SUFU: variants seen among roughly 807,000 people sequenced by gnomAD.
The protein encoded by SUFU is suppressor of fused homolog.
In SUFU, 7 loss-of-function variants were observed where a neutral mutation model predicts 58.9. The ratio of observed to expected loss-of-function variants is 0.12; its 90% CI spans 0.07 to 0.22. The LOEUF (loss-of-function observed/expected upper bound fraction) is 0.22, where lower values mean the gene tolerates loss of function less well. Ranked by LOEUF, SUFU falls within the 10% of genes least tolerant of loss-of-function variation. The pLI is 1.00. For missense variants in SUFU, 451 were observed against 641.3 expected (o/e 0.70, Z 3.20); for synonymous variants, 232 against 254.8 (o/e 0.91, Z 0.85).
chr10:102,571,760 G>A (rs918432014), intron 3 of SUFU, among the ~76,000 whole-genome samples: 8 of 152,232 alleles, frequency 5.3e-5, no homozygotes, highest in African/African-American at 1.9e-4. Context: ...TTTGGACACA[G>A]CTTATCTCTA....
chr10:102,525,066 A>G (rs1307895301), intron 2 of SUFU, among the ~76,000 whole-genome samples: 1 of 152,110 alleles, frequency 6.6e-6, no homozygotes, highest in Non-Finnish European at 1.5e-5. Context: ...GAGGTATGTG[A>G]TTTTGGAAAA....
intron 3 of SUFU, among the ~76,000 whole-genome samples, chr10:102,555,269 C>CAAAAA (rs57658645): frequency 1.3e-5 from 1 of 78,092 alleles, no homozygotes; most frequent in African/African-American, 5.0e-5. Context: ...CTCCGTCTCA[C>CAAAAA]AAAAAAAAAA....
chr10:102,598,097 G>C (rs1275690779), intron 7 of SUFU, among the ~76,000 whole-genome samples: 2 of 151,958 alleles, frequency 1.3e-5, no homozygotes, highest in Non-Finnish European at 2.9e-5. Context: ...ACTTATAAAA[G>C]GTTTTTGTTC....
rs570639236 is a variant in SUFU at position 102,619,365 on chromosome 10, C to T, written c.1296+1937C>T. 5.7e-6 allele frequency: 8 copies of T among 1,414,750 alleles called. No individual in the cohort carries two copies. Among genetic ancestry groups the T allele is most frequent in the South Asian group, 1.5e-5 (1 of 65,814 alleles). 87.6% of individuals were successfully genotyped at this position (1,414,750 alleles called of 1,614,324 possible). ...CCCGCTGGCTCCCCAGCACATGGTCCCCTCCCATGGGCTGTTGCCCAGGGA... is the reference window on the plus strand; with the variant it reads ...CCCGCTGGCTCCCCAGCACATGGTCTCCTCCCATGGGCTGTTGCCCAGGGA... On this transcript the variant is annotated intron_variant, in intron 10 of 11. Transcript: ENST00000369902. The surrounding 1 kb of genome is among the most constrained non-coding windows in gnomAD (Gnocchi z 4.2).
At chr10:102,607,436 G>C (rs2063572912) in intron 8 of SUFU, among the ~76,000 whole-genome samples, 1 of 152,148 alleles carries the variant, frequency 6.6e-6, no homozygotes, top group Admixed American at 6.5e-5. Context: ...AATTATGACA[G>C]AAAGGAAAAG....
intron 2 of SUFU, among the ~76,000 whole-genome samples, chr10:102,511,598 T>G (rs369741884): frequency 2.6e-5 from 4 of 152,378 alleles, no homozygotes; most frequent in South Asian, 2.1e-4. Flanking sequence ...TTATTCCTAT[T>G]TTATAGATAA....
In SUFU at chr10:102,550,171, T is replaced by A. The variant is rs530096054; in HGVS notation, c.454+65T>A. ...CATGAGCCTGGTTGACTTTGAGTAC[T>A]AGCAGCTATATTTTGATGTTTGTGG... On this transcript the variant is annotated intron_variant, in intron 3 of 11. Transcript: ENST00000369902. The A allele has an allele frequency of 7.1e-4, 1,148 of 1,607,966 alleles. 15 individuals are homozygous for A. The highest frequency in any genetic ancestry group is 3.2e-3 in the South Asian group (288 of 90,728).
chr10:102,581,653 G>A (rs116893855), intron 3 of SUFU, among the ~76,000 whole-genome samples: 1 of 152,256 alleles, frequency 6.6e-6, no homozygotes, highest in East Asian at 1.9e-4. Context: ...CACAGGTGTC[G>A]GCTTCATCCT....
intron 8 of SUFU, among the ~76,000 whole-genome samples, chr10:102,612,121 CT>C (rs2063630878): frequency 6.6e-6 from 1 of 152,122 alleles, no homozygotes; most frequent in South Asian, 2.1e-4. Context: ...ATAATTCATG[CT>C]TCTGCATCGA....
Position 102,628,751 on chromosome 10 carries a change from C to A in SUFU, c.1366-1315C>A, listed in dbSNP as rs1311237280. On this transcript the variant is annotated intron_variant, in intron 11 of 11. Transcript: ENST00000369902. The surrounding 1 kb of genome is among the most constrained non-coding windows in gnomAD (Gnocchi z 4.5). ...CCAGCAGAGGGAGCGAAGAGGGAGG[C>A]AGCCAGGAAGGGTCAGGCTCGTCTG... 6.6e-6 allele frequency among the ~76,000 whole-genome samples: 1 copy of A among 152,208 alleles called. No individual in the cohort carries two copies.
chr10:102,581,915 C>T lies in SUFU; in HGVS notation c.455-10667C>T, dbSNP rs144417515. On this transcript the variant is annotated intron_variant, in intron 3 of 11. Transcript: ENST00000369902. Reference sequence around the variant, plus strand: ...GCTGTGCCATTGTCAAATATTTGACCTCCAAGTTGACAGACCTGAGTCTCC... The same window carrying T: ...GCTGTGCCATTGTCAAATATTTGACTTCCAAGTTGACAGACCTGAGTCTCC... 4.9e-3 allele frequency among the ~76,000 whole-genome samples: 749 copies of T among 152,246 alleles called. 3 individuals are homozygous for T. Among genetic ancestry groups the T allele is most frequent in the Non-Finnish European group, 7.4e-3 (506 of 68,024 alleles).
chr10:102,536,060 C>A (rs938549209), intron 2 of SUFU, among the ~76,000 whole-genome samples: 6 of 152,076 alleles, frequency 3.9e-5, no homozygotes, highest in South Asian at 2.1e-4. Flanking sequence ...CCTCTGTTTC[C>A]TGGGTTCAAG....
In SUFU at chr10:102,593,579, T is replaced by C. The variant is rs2135870051; in HGVS notation, c.598-57T>C. 1.9e-6 allele frequency: 3 copies of C among 1,581,596 alleles called. 1 individual carries two copies. The South Asian group carries it at 3.3e-5, about 17-fold the overall frequency. On this transcript the variant is annotated intron_variant, in intron 4 of 11. Coordinates refer to ENST00000369902, the MANE Select transcript of SUFU (RefSeq NM_016169.4). ...ACTCAGAGAGCCTGGGTAGCTGACC[T>C]TCTTGGGGTGGGGGGTGGCCATTAA...
intron 3 of SUFU, among the ~76,000 whole-genome samples, chr10:102,577,683 T>C (rs1176208012): frequency 4.8e-5 from 2 of 42,070 alleles, no homozygotes; most frequent in Non-Finnish European, 9.4e-5. Context: ...CTACGAGTTG[T>C]TTTTTTTTTT....
At chr10:102,610,265 C>T (rs1370102172) in intron 8 of SUFU, among the ~76,000 whole-genome samples, 3 of 151,448 alleles carry the variant, frequency 2.0e-5, no homozygotes, top group East Asian at 1.9e-4. Context: ...TGGTGGTGGG[C>T]ACCTATAATC....
At chr10:102,576,580 T>G (rs1267358213) in intron 3 of SUFU, among the ~76,000 whole-genome samples, 3 of 152,230 alleles carry the variant, frequency 2.0e-5, no homozygotes, top group Non-Finnish European at 4.4e-5. Flanking sequence ...GTGACATGTT[T>G]TGCTCTAGGG....
intron 7 of SUFU, among the ~76,000 whole-genome samples, chr10:102,598,706 C>T (rs549496509): frequency 6.6e-6 from 1 of 152,304 alleles, no homozygotes; most frequent in South Asian, 2.1e-4. Flanking sequence ...CACTCTAAGG[C>T]CACTCTTTGA....
In SUFU at chr10:102,555,235, T is replaced by G. The variant is rs956746319; in HGVS notation, c.454+5129T>G. 5.0e-5 allele frequency among the ~76,000 whole-genome samples: 6 copies of G among 119,836 alleles called. No homozygotes were observed. The Admixed American group carries it at 6.8e-4, about 14-fold the overall frequency. The allele number at this position is 119,836 out of a possible 152,430, so 78.6% of individuals were successfully genotyped here. On this transcript the variant is annotated intron_variant, in intron 3 of 11. Transcript: ENST00000369902. ...GTGAGCTGAGACTGCGCCACTGCAC[T>G]CCAGCCTGGGCGTCAGAGTGAGACT...
chr10:102,607,959 A>G (rs2063579701), intron 8 of SUFU, among the ~76,000 whole-genome samples: 3 of 151,464 alleles, frequency 2.0e-5, no homozygotes, highest in Non-Finnish European at 2.9e-5. Flanking sequence ...ACACCGGGGA[A>G]AGTTTATTTA....
Sources: allele counts gnomAD v4.1 joint callset (sites outside exome capture counted in the v4.1 genomes callset), GRCh38; gene constraint gnomAD v4.1.1; non-coding constraint Gnocchi (gnomAD v3.1); transcripts MANE v1.5; gene names NCBI Gene and HGNC (gene_info 2026-07-23, HGNC 2026-07-21).